ST3GAL6: variants seen among roughly 807,000 people sequenced by gnomAD.
ST3GAL6 encodes type 2 lactosamine alpha-2,3-sialyltransferase.
Under a neutral mutation model 40.5 loss-of-function variants are expected in ST3GAL6, and 31 were observed. That is an observed-to-expected ratio of 0.77 (90% CI 0.58 to 1.03). The LOEUF (loss-of-function observed/expected upper bound fraction) is 1.03. Ranked by LOEUF, ST3GAL6 falls within the 50% of genes least tolerant of loss-of-function variation. ST3GAL6 has a pLI of 0.00. For missense variants in ST3GAL6, 357 were observed against 393.2 expected (o/e 0.91, Z 0.78); for synonymous variants, 129 against 136.9 (o/e 0.94, Z 0.40).
intron 1 of ST3GAL6, among the ~76,000 whole-genome samples, chr3:98,747,408 A>T (rs1233443188): frequency 1.3e-5 from 2 of 152,252 alleles, no homozygotes; most frequent in Non-Finnish European, 2.9e-5. Context: ...GGTTTATGTT[A>T]CATGACTTAA....
Position 98,755,772 on chromosome 3 carries a change from A to G in ST3GAL6, c.-11-12658A>G, listed in dbSNP as rs142802293. Among the ~76,000 whole-genome samples the G allele has an allele frequency of 2.6e-4, 39 of 152,096 alleles. No individual in the cohort carries two copies. The East Asian group carries it at 3.7e-3, about 14-fold the overall frequency. On this transcript the variant is annotated intron_variant, in intron 1 of 9. Transcript: ENST00000265261. ...CTGTGTGTGTGTGTTAGTCTTGTGT[A>G]AAAATAGCTGTAGCAAGAGAGGTTT...
chr3:98,770,920 C>G lies in ST3GAL6; in HGVS notation c.131C>G (p.Pro44Arg). The G allele has an allele frequency of 6.2e-7, 1 of 1,614,080 alleles. No individual in the cohort carries two copies. ...VEMKRRNKIQ[P>R]CLSKPAFASL... ...ATGAAACGGAGAAATAAGATCCAGC[C>G]TTGTTTATCAAAGCCAGCTTTTGCC... Residue 44 changes from proline (P) to arginine (R), a missense_variant, in exon 3 of 10, where the codon CCT becomes CGT. Transcript: ENST00000483910.
rs1457083187 is a variant in ST3GAL6 at position 98,788,158 on chromosome 3, T to A, written c.554T>A (p.Ile185Asn). Residue 185 changes from isoleucine (I) to asparagine (N), a missense_variant, in exon 7 of 10, where the codon ATT (isoleucine) becomes AAT (asparagine). Coordinates refer to ENST00000483910, the MANE Select transcript of ST3GAL6 (RefSeq NM_001323368.2). ...CACAATGACCCTAATACGACAGTGA[T>A]TCTCACTGCTTTTAAGCCACATGAT... ...PIHNDPNTTV[I>N]LTAFKPHDLR... 2 of 1,613,946 alleles carry A rather than the reference T, an allele frequency of 1.2e-6. No individual in the cohort carries two copies. Among genetic ancestry groups the A allele is most frequent in the African/African-American group, 2.7e-5 (2 of 75,056 alleles).
Position 98,788,512 on chromosome 3 carries a change from A to G in ST3GAL6, c.756+49A>G, listed in dbSNP as rs530047513. The G allele has an allele frequency of 1.3e-4, 201 of 1,530,608 alleles. 1 individual carries two copies. Among genetic ancestry groups the G allele is most frequent in the Non-Finnish European group, 6.9e-5 (79 of 1,140,906 alleles). 94.8% of individuals were successfully genotyped at this position (1,530,608 alleles called of 1,614,324 possible). ...TTCAAACTACAGATCTGGCTGAGGT[A>G]GGATAGAGGGTCCTGGGAACTCTCA... On this transcript the variant is annotated intron_variant, in intron 8 of 9. Coordinates refer to ENST00000483910, the MANE Select transcript of ST3GAL6 (RefSeq NM_001323368.2).
intron 6 of ST3GAL6, among the ~76,000 whole-genome samples, chr3:98,787,751 T>A (rs1430340418): frequency 6.6e-6 from 1 of 152,262 alleles, no homozygotes. Flanking sequence ...CCCACTTTTT[T>A]AAATTTAGTC....
chr3:98,781,565 C>A (rs1940129765), intron 5 of ST3GAL6, among the ~76,000 whole-genome samples: 1 of 151,876 alleles, frequency 6.6e-6, no homozygotes. Flanking sequence ...TTGTAGAGGA[C>A]AGGGGCTCTG....
chr3:98,750,236 A>G (rs777669852), intron 1 of ST3GAL6, among the ~76,000 whole-genome samples: 20 of 152,256 alleles, frequency 1.3e-4, no homozygotes, highest in Non-Finnish European at 2.8e-4. Flanking sequence ...TAAGGTCACC[A>G]TTCTTCTATG....
chr3:98,777,841 CTG>C (rs1939698183), intron 5 of ST3GAL6, among the ~76,000 whole-genome samples: 1 of 152,152 alleles, frequency 6.6e-6, no homozygotes, highest in Non-Finnish European at 1.5e-5. Context: ...TCACTGAAGA[CTG>C]AGGATTTTTT....
rs1052556844 is a variant in ST3GAL6 at position 98,795,658 on chromosome 3, GGCGGGGGGA to G, written c.*1901_*1909del. 1.3e-5 allele frequency: 2 copies of G among 152,190 alleles called. No homozygotes were observed. The highest frequency in any genetic ancestry group is 3.8e-4 in the East Asian group (2 of 5,198). The allele number at this position is 152,190 out of a possible 1,614,324, so 9.4% of individuals were successfully genotyped here. A position where few individuals can be genotyped will look rare whatever the true frequency, so the allele number is the denominator to read the frequency against. ...GGGAACGATAGACACTGAGGACTGC[GGCGGGGGGA>G]GCGAGGGGAGCGGGGAGGGCAAGGG... On this transcript the variant is annotated 3_prime_UTR_variant, in exon 10 of 10. Transcript: ENST00000483910.
At position 98,768,520 on chromosome 3, in the gene ST3GAL6, A is replaced by G. The variant is rs1938619900; in HGVS notation, c.80A>G (p.Asn27Ser). ...CTGCATTGCATATTATGGGGAACGA[A>G]TGTCTATTGGTAAGTTTCATTTTGT... The part of the protein sequence containing the change: ...YVLHCILWGT[N>S]VYWVAPVEMK... The change falls in exon 2 of 10, where the codon AAT becomes AGT. Residue 27 changes from asparagine to serine, a missense_variant. Transcript: ENST00000483910. 6.2e-7 allele frequency: 1 copy of G among 1,608,472 alleles called. No homozygotes were observed. The highest frequency in any genetic ancestry group is 8.5e-7 in the Non-Finnish European group (1 of 1,175,276).
chr3:98,786,323 T>G (rs1940706047), intron 6 of ST3GAL6, among the ~76,000 whole-genome samples: 1 of 151,832 alleles, frequency 6.6e-6, no homozygotes, highest in African/African-American at 2.4e-5. Context: ...ATGAAGAGGA[T>G]CCACCAGTGA....
chr3:98,793,770 A>C lies in ST3GAL6; in HGVS notation c.*9A>C. The C allele has an allele frequency of 2.6e-6, 4 of 1,549,406 alleles. No individual in the cohort carries two copies. Among genetic ancestry groups the C allele is most frequent in the Non-Finnish European group, 3.5e-6 (4 of 1,139,178 alleles). ...ACTTGACTCAAGATTGACTCTACAG[A>C]CTCAGAAGATGATGCTAACAGTGTT... is the stretch of plus-strand genomic sequence containing the variant. On this transcript the variant is annotated 3_prime_UTR_variant, in exon 10 of 10. Transcript: ENST00000483910.
intron 5 of ST3GAL6, among the ~76,000 whole-genome samples, chr3:98,776,060 C>A (rs1353800226): frequency 6.6e-6 from 1 of 152,202 alleles, no homozygotes; most frequent in Non-Finnish European, 1.5e-5. Flanking sequence ...TCGACCTGGG[C>A]AAACCTTATC....
chr3:98,746,674 T>G (rs1299929313), intron 1 of ST3GAL6, among the ~76,000 whole-genome samples: 2 of 152,130 alleles, frequency 1.3e-5, no homozygotes, highest in Non-Finnish European at 2.9e-5. Context: ...TTTTTGTCAG[T>G]GAAAACAAAA....
intron 6 of ST3GAL6, among the ~76,000 whole-genome samples, chr3:98,786,695 G>GT (rs1216662922): frequency 1.3e-4 from 20 of 148,476 alleles, no homozygotes; most frequent in African/African-American, 2.2e-4. Context: ...TTTTTTTTTT[G>GT]TTTGTTTTCT....
intron 1 of ST3GAL6, chr3:98,732,676 T>A: frequency 1.8e-6 from 1 of 557,434 alleles, no homozygotes; most frequent in East Asian, 3.5e-5. Flanking sequence ...AGGAGGAGCT[T>A]CCCGCGACTC....
rs368579793 is a variant in ST3GAL6, at chr3:98,791,860, C to T, written c.776C>T (p.Thr259Ile). The T allele has an allele frequency of 2.5e-6, 4 of 1,612,384 alleles. No individual in the cohort carries two copies. Among genetic ancestry groups the T allele is most frequent in the Non-Finnish European group, 3.4e-6 (4 of 1,179,280 alleles). The part of the protein sequence containing the change: ...PKNQKPKHPT[T>I]GIIAITLAFY... ...CCCCAGAAACCTAAACACCCAACAA[C>T]AGGAATTATTGCCATCACATTGGCG... The change falls in exon 9 of 10, where the codon ACA becomes ATA. Residue 259 changes from threonine (T) to isoleucine (I), a missense_variant. Coordinates refer to ENST00000483910, the MANE Select transcript of ST3GAL6 (RefSeq NM_001323368.2).
chr3:98,777,279 T>G (rs1020392140), intron 5 of ST3GAL6, among the ~76,000 whole-genome samples: 1 of 152,236 alleles, frequency 6.6e-6, no homozygotes, highest in African/African-American at 2.4e-5. Flanking sequence ...TTGTGAGAGC[T>G]GTATCTCTTT....
At chr3:98,756,561 C>T (rs1190404476) in intron 1 of ST3GAL6, 3 of 1,223,692 alleles carry the variant, frequency 2.5e-6, no homozygotes, top group Non-Finnish European at 1.0e-6. Flanking sequence ...GCAACACCAC[C>T]ATTGTCTCAA....
Sources: allele counts gnomAD v4.1 joint callset (sites outside exome capture counted in the v4.1 genomes callset), GRCh38; gene constraint gnomAD v4.1.1; transcripts MANE v1.5; gene names NCBI Gene and HGNC (gene_info 2026-07-23, HGNC 2026-07-21).